The following ZFYVE28 variants were observed in gnomAD, a reference collection of about 807,000 sequenced individuals.
ZFYVE28 encodes zinc finger FYVE-type containing 28.
A neutral mutation model predicts 82.1 loss-of-function variants in ZFYVE28; 40 were observed. That is an observed-to-expected ratio of 0.49 (90% CI 0.38 to 0.63). ZFYVE28 has a LOEUF of 0.63. Ranked by LOEUF, ZFYVE28 falls within the 30% of genes least tolerant of loss-of-function variation. The probability of loss-of-function intolerance (pLI) is 0.00; values close to 1 mark genes in which losing one functional copy is unlikely to be tolerated. For synonymous variants in ZFYVE28, 612 were observed against 546.1 expected, an observed-to-expected ratio of 1.12 and a Z score of -1.68; for missense variants, 1,321 against 1,242.1, an observed-to-expected ratio of 1.06 and a Z score of -0.96.
Position 2,341,286 on chromosome 4 carries a change from T to C in ZFYVE28, c.318+192A>G. 1 of 724,772 alleles carries C rather than the reference T, an allele frequency of 1.4e-6. No individual in the cohort carries two copies. Among genetic ancestry groups the C allele is most frequent in the Non-Finnish European group, 2.2e-6 (1 of 445,248 alleles). 44.9% of individuals were successfully genotyped at this position (724,772 alleles called of 1,614,324 possible). On this transcript the variant is annotated intron_variant, in intron 3 of 12. Transcript: ENST00000290974. This position sits in a 1 kb window ranked among gnomAD's most constrained non-coding sequence, Gnocchi z 4.5. The stretch of plus-strand genomic sequence containing the variant: ...GTATAGTTTTGGGGGCACCAGTTCA[T>C]GGCTTTCCCAGATCCTCCAGGGGTG...
At chr4:2,377,058 G>A (rs1278898492) in intron 1 of ZFYVE28, among the ~76,000 whole-genome samples, 1 of 150,346 alleles carries the variant, frequency 6.7e-6, no homozygotes, top group East Asian at 2.0e-4. Flanking sequence ...GTCTCGCTCT[G>A]TCACCCAGGC....
In ZFYVE28 at chr4:2,362,956, C is replaced by T. The variant is rs1423946526; in HGVS notation, c.40-8883G>A. On this transcript the variant is annotated intron_variant, in intron 1 of 12. Coordinates refer to ENST00000290974, the MANE Select transcript of ZFYVE28 (RefSeq NM_020972.3). The surrounding 1 kb of genome is among the most constrained non-coding windows in gnomAD (Gnocchi z 5.1). ...CGGTACTGGCCCTCCCTGTGGCCTT[C>T]GGGCCCACACGTGGCACCAAGCCCT... Among the ~76,000 whole-genome samples the T allele has an allele frequency of 6.6e-6, 1 of 152,124 alleles. No homozygotes were observed. The highest frequency in any genetic ancestry group is 1.5e-5 in the Non-Finnish European group (1 of 68,006).
intron 7 of ZFYVE28, among the ~76,000 whole-genome samples, chr4:2,310,147 T>A (rs1036822303): frequency 3.3e-5 from 5 of 152,102 alleles, no homozygotes; most frequent in Admixed American, 6.5e-5. Context: ...CAAGCAGTCA[T>A]CCCATCTCAG....
Position 2,394,698 on chromosome 4 carries a change from G to A in ZFYVE28, c.39+23587C>T, listed in dbSNP as rs775772615. On this transcript the variant is annotated intron_variant, in intron 1 of 12. Coordinates refer to ENST00000290974, the MANE Select transcript of ZFYVE28 (RefSeq NM_020972.3). The surrounding 1 kb of genome is among the most constrained non-coding windows in gnomAD (Gnocchi z 4.0). The stretch of plus-strand genomic sequence containing the variant: ...GTCGTGTCACACAGGTCTGCGATCC[G>A]ATCCTGTGAACAGGCACCACTCTGC... Among the ~76,000 whole-genome samples the A allele has an allele frequency of 2.8e-4, 43 of 152,356 alleles. No homozygotes were observed. The highest frequency in any genetic ancestry group is 4.1e-4 in the Non-Finnish European group (28 of 68,038).
At chr4:2,368,411 C>T (rs28440901) in intron 1 of ZFYVE28, among the ~76,000 whole-genome samples, 31 of 88,124 alleles carry the variant, frequency 3.5e-4, no homozygotes, top group Non-Finnish European at 4.2e-4. Context: ...CTACAGTATG[C>T]GATTCAGCAG....
chr4:2,302,785 G>A (rs1715770696), intron 8 of ZFYVE28, among the ~76,000 whole-genome samples: 1 of 152,238 alleles, frequency 6.6e-6, no homozygotes, highest in Non-Finnish European at 1.5e-5. Context: ...GTCATAAAAA[G>A]GAACGGCGTG....
chr4:2,298,053 C>T (rs907483032), intron 8 of ZFYVE28, among the ~76,000 whole-genome samples: 16 of 141,782 alleles, frequency 1.1e-4, no homozygotes, highest in South Asian at 9.1e-4. Flanking sequence ...CACAGTGACA[C>T]GGCAGGCTGT....
chr4:2,336,571 A>G (rs1578147133), intron 5 of ZFYVE28, among the ~76,000 whole-genome samples: 1 of 145,078 alleles, frequency 6.9e-6, no homozygotes, highest in Non-Finnish European at 1.5e-5. Flanking sequence ...TGCCCCCCCC[A>G]CTCCCTAAAA....
chr4:2,289,225 C>T (rs111454174), intron 8 of ZFYVE28, among the ~76,000 whole-genome samples: 14,428 of 151,750 alleles, frequency 0.095, 1,228 homozygotes, highest in African/African-American at 0.23. Flanking sequence ...GAGGTTACAG[C>T]GAGCCAAGAT....
chr4:2,384,377 G>A (rs1050936115), intron 1 of ZFYVE28, among the ~76,000 whole-genome samples: 17 of 152,254 alleles, frequency 1.1e-4, no homozygotes, highest in Non-Finnish European at 2.2e-4. Context: ...CACCCGCCAA[G>A]GGAGTGAACA....
chr4:2,308,627 C>CAAAAAGAAAGAA (rs1305129210), intron 7 of ZFYVE28, among the ~76,000 whole-genome samples: 1 of 79,522 alleles, frequency 1.3e-5, no homozygotes, highest in Admixed American at 1.6e-4. Context: ...AGAAAGAAGA[C>CAAAAAGAAAGAA]AGAAAGAAAG....
chr4:2,316,839 C>T (rs905487887), intron 7 of ZFYVE28, among the ~76,000 whole-genome samples: 6 of 151,644 alleles, frequency 4.0e-5, no homozygotes, highest in South Asian at 2.1e-4. Flanking sequence ...ACTACAGGTG[C>T]GCACCACCAT....
rs150483548 is a variant in ZFYVE28 at position 2,378,950 on chromosome 4, G to A, written c.40-24877C>T. On this transcript the variant is annotated intron_variant, in intron 1 of 12. Transcript: ENST00000290974. ...CACAAGGGTGGAAGCTGGTGCCAGA[G>A]GCTCTGAGCAGAGGGCTCTTCCTCT... Among the ~76,000 whole-genome samples the A allele has an allele frequency of 2.2e-3, 340 of 152,298 alleles. 1 individual carries two copies. Among genetic ancestry groups the A allele is most frequent in the African/African-American group, 7.5e-3 (312 of 41,568 alleles).
At chr4:2,377,898 C>T (rs1230117245) in intron 1 of ZFYVE28, among the ~76,000 whole-genome samples, 2 of 152,194 alleles carry the variant, frequency 1.3e-5, no homozygotes, top group East Asian at 1.9e-4. Context: ...ACCCCGCCTC[C>T]GACAGACCTA....
At chr4:2,360,209 G>GA (rs1260646893) in intron 1 of ZFYVE28, among the ~76,000 whole-genome samples, 2 of 151,468 alleles carry the variant, frequency 1.3e-5, no homozygotes, top group African/African-American at 4.9e-5. Flanking sequence ...CGACCACGAG[G>GA]AACAACACTC....
chr4:2,364,921 G>GGGGGCGGGGCCCAGCA (rs1726677730), intron 1 of ZFYVE28: 5 of 985,104 alleles, frequency 5.1e-6, no homozygotes, highest in Non-Finnish European at 6.0e-6. Flanking sequence ...CAGTGGAGGC[G>GGGGGCGGGGCCCAGCA]GGGGCGGGGC....
chr4:2,271,704 G>A lies in ZFYVE28; in HGVS notation c.2399C>T (p.Ala800Val), dbSNP rs1735927142. Residue 800 changes from alanine (A) to valine (V), a missense_variant, in exon 11 of 13, where the codon GCA becomes GTA. Physicochemically the swap from Ala to Val is moderately conservative, Grantham distance 64. Transcript: ENST00000290974. The part of the protein sequence containing the change: ...CQETLSSSEL[A>V]AKTRDGDFED... ...AAAGTCCCCATCGCGGGTCTTGGCT[G>A]CCAGTTCAGAGGATGACAGGGTCTC... The A allele has an allele frequency of 6.2e-7, 1 of 1,613,824 alleles. No homozygotes were observed. Among genetic ancestry groups the A allele is most frequent in the African/African-American group, 1.3e-5 (1 of 74,938 alleles).
intron 1 of ZFYVE28, among the ~76,000 whole-genome samples, chr4:2,385,097 G>A (rs1001291808): frequency 1.3e-5 from 2 of 152,330 alleles, no homozygotes; most frequent in Admixed American, 6.5e-5. Context: ...GGCGAGAAGG[G>A]GGACCAGACT....
intron 6 of ZFYVE28, among the ~76,000 whole-genome samples, chr4:2,334,489 G>A (rs1342431914): frequency 3.3e-5 from 5 of 151,748 alleles, no homozygotes; most frequent in African/African-American, 4.8e-5. Context: ...CATTTCCCAC[G>A]GGAGGGGTAT....
Sources: gnomAD v4.1 joint callset for allele counts (sites outside exome capture counted in the v4.1 genomes callset) on GRCh38, gnomAD v4.1.1 for gene constraint, Gnocchi (gnomAD v3.1) non-coding constraint, MANE v1.5 for transcripts, NCBI Gene and HGNC (gene_info 2026-07-23, HGNC 2026-07-21) for gene names.